Variants in KIFAP3 observed in about 807,000 individuals in gnomAD.
KIFAP3 encodes kinesin-associated protein 3.
In KIFAP3, 68 loss-of-function variants were observed where a neutral mutation model predicts 106.5. That is an observed-to-expected ratio of 0.64 (90% CI 0.53 to 0.78). The LOEUF (loss-of-function observed/expected upper bound fraction) is 0.78, where lower values mean the gene tolerates loss of function less well. Among genes scored for constraint, KIFAP3 ranks in the 30% least tolerant of loss-of-function variants. The pLI, the probability that KIFAP3 is intolerant of heterozygous loss-of-function variation, is 0.00. For synonymous variants in KIFAP3, 320 were observed against 311.5 expected (o/e 1.03, Z -0.29); for missense variants, 780 against 941.8 (o/e 0.83, Z 2.25).
intron 3 of KIFAP3, among the ~76,000 whole-genome samples, chr1:170,044,114 G>C (rs184386695): frequency 6.6e-6 from 1 of 152,240 alleles, no homozygotes; most frequent in Non-Finnish European, 1.5e-5. Context: ...AAATTCCCAG[G>C]ACCAGAACAT....
At chr1:169,951,953 C>G (rs1287002004) in intron 19 of KIFAP3, among the ~76,000 whole-genome samples, 2 of 151,762 alleles carry the variant, frequency 1.3e-5, no homozygotes, top group African/African-American at 4.8e-5. Context: ...CATCCTTTCC[C>G]AATTATGTTT....
At chr1:170,002,039 A>G (rs1406430028) in intron 10 of KIFAP3, among the ~76,000 whole-genome samples, 1 of 152,158 alleles carries the variant, frequency 6.6e-6, no homozygotes, top group African/African-American at 2.4e-5. Flanking sequence ...CAGAATGGTC[A>G]AAGGAAATAA....
chr1:169,933,738 C>T (rs945372556), intron 19 of KIFAP3, among the ~76,000 whole-genome samples: 1 of 152,012 alleles, frequency 6.6e-6, no homozygotes, highest in Admixed American at 6.6e-5. Context: ...CAGCATTTCC[C>T]CTCTTAATTT....
At chr1:170,044,010 T>C (rs1670116073) in intron 3 of KIFAP3, among the ~76,000 whole-genome samples, 1 of 152,100 alleles carries the variant, frequency 6.6e-6, no homozygotes, top group Non-Finnish European at 1.5e-5. Context: ...AACACAAAGA[T>C]TGACTAAAAA....
intron 2 of KIFAP3, among the ~76,000 whole-genome samples, chr1:170,048,041 G>A (rs1380453157): frequency 6.6e-6 from 1 of 152,148 alleles, no homozygotes; most frequent in Non-Finnish European, 1.5e-5. Flanking sequence ...TAGAAGGGCA[G>A]GAGTGGGGAT....
intron 7 of KIFAP3, among the ~76,000 whole-genome samples, chr1:170,033,703 A>G (rs1669533694): frequency 6.6e-6 from 1 of 151,804 alleles, no homozygotes; most frequent in Admixed American, 6.6e-5. Flanking sequence ...ACTTCAGTGC[A>G]CTAAGCAAAA....
At chr1:170,084,743 A>G (rs1052300563) in intron 1 of KIFAP3, among the ~76,000 whole-genome samples, 5 of 152,206 alleles carry the variant, frequency 3.3e-5, no homozygotes, top group African/African-American at 9.6e-5. Flanking sequence ...GTGGAATGGC[A>G]TGCAAAATAA....
At chr1:170,012,716 C>T (rs1668301897) in intron 10 of KIFAP3, among the ~76,000 whole-genome samples, 1 of 151,912 alleles carries the variant, frequency 6.6e-6, no homozygotes, top group African/African-American at 2.4e-5. Context: ...AGTCTGTTGG[C>T]ATGCTGCTAA....
At chr1:170,017,815 T>C (rs1668601822) in intron 9 of KIFAP3, among the ~76,000 whole-genome samples, 1 of 152,162 alleles carries the variant, frequency 6.6e-6, no homozygotes, top group African/African-American at 2.4e-5. Context: ...TTCTGTATGG[T>C]CAATAAGGTA....
intron 1 of KIFAP3, among the ~76,000 whole-genome samples, chr1:170,065,730 T>A (rs565234737): frequency 1.3e-5 from 2 of 151,866 alleles, no homozygotes; most frequent in Non-Finnish European, 2.9e-5. Context: ...CTATTTAAAA[T>A]TAAATTTAAA....
intron 3 of KIFAP3, chr1:170,041,615 C>A: frequency 7.3e-7 from 1 of 1,373,624 alleles, no homozygotes; most frequent in Admixed American, 2.0e-5. Flanking sequence ...CAAGTGGCTG[C>A]CTGGCTTCTT....
chr1:169,999,982 A>G (rs1303351630), intron 10 of KIFAP3, among the ~76,000 whole-genome samples: 1 of 152,090 alleles, frequency 6.6e-6, no homozygotes, highest in South Asian at 2.1e-4. Context: ...CTGCTCTCAC[A>G]ATCGATTTTC....
chr1:170,015,990 A>G (rs1668491160), intron 10 of KIFAP3, among the ~76,000 whole-genome samples: 1 of 152,106 alleles, frequency 6.6e-6, no homozygotes, highest in Non-Finnish European at 1.5e-5. Flanking sequence ...GGAGTTCAAG[A>G]CCAGCCTGGG....
Position 169,921,613 on chromosome 1 carries a change from A to G in KIFAP3, c.*63T>C. The G allele has an allele frequency of 7.4e-7, 1 of 1,346,820 alleles. No individual in the cohort carries two copies. Among genetic ancestry groups the G allele is most frequent in the Non-Finnish European group, 1.1e-6 (1 of 946,920 alleles). The allele number at this position is 1,346,820 out of a possible 1,614,324, so 83.4% of individuals were successfully genotyped here. ...ACATGCATTATTAGGCAAAGATCCA[A>G]AATTAACCCAACCCACACAGATTTC... is the stretch of plus-strand genomic sequence containing the variant. On this transcript the variant is annotated 3_prime_UTR_variant, in exon 20 of 20. Coordinates refer to ENST00000361580, the MANE Select transcript of KIFAP3 (RefSeq NM_014970.4).
intron 17 of KIFAP3, among the ~76,000 whole-genome samples, chr1:169,969,734 T>C (rs1001146361): frequency 6.6e-6 from 1 of 151,974 alleles, no homozygotes; most frequent in Non-Finnish European, 1.5e-5. Flanking sequence ...AAACACCCTG[T>C]AGATACAGTG....
At chr1:170,023,901 G>A (rs1159462966) in intron 9 of KIFAP3, among the ~76,000 whole-genome samples, 1 of 152,010 alleles carries the variant, frequency 6.6e-6, no homozygotes, top group African/African-American at 2.4e-5. Context: ...TTAATACAAT[G>A]GCACTAGAAT....
chr1:169,947,059 C>T (rs1317019898), intron 19 of KIFAP3, among the ~76,000 whole-genome samples: 4 of 151,852 alleles, frequency 2.6e-5, no homozygotes, highest in Non-Finnish European at 5.9e-5. Context: ...AATAATTTTA[C>T]TTGTCATATA....
intron 5 of KIFAP3, among the ~76,000 whole-genome samples, chr1:170,035,965 G>C (rs1669671433): frequency 6.6e-6 from 1 of 151,308 alleles, no homozygotes; most frequent in Non-Finnish European, 1.5e-5. Context: ...AATAAGTCTA[G>C]AAAAAAATGA....
At chr1:170,005,803 C>T (rs967648418) in intron 10 of KIFAP3, among the ~76,000 whole-genome samples, 2 of 150,876 alleles carry the variant, frequency 1.3e-5, no homozygotes, top group African/African-American at 4.9e-5. Flanking sequence ...CACATGTATA[C>T]ATATGTAACA....
Sources: gnomAD v4.1 joint callset for allele counts (sites outside exome capture counted in the v4.1 genomes callset) on GRCh38, gnomAD v4.1.1 for gene constraint, MANE v1.5 for transcripts, NCBI Gene and HGNC (gene_info 2026-07-23, HGNC 2026-07-21) for gene names.